GPM6B: variants seen among roughly 807,000 people sequenced by gnomAD.
GPM6B encodes glycoprotein M6B.
A neutral mutation model predicts 27.2 loss-of-function variants in GPM6B; 4 were observed. The observed-to-expected ratio is 0.15, with a 90% CI of 0.07 to 0.34. GPM6B has a LOEUF of 0.34. Among genes scored for constraint, GPM6B ranks in the 10% least tolerant of loss-of-function variants. GPM6B has a pLI of 1.00. For synonymous variants in GPM6B, 124 were observed against 103.1 expected (o/e 1.20, Z -1.23); for missense variants, 183 against 261.9 (o/e 0.70, Z 2.08).
chrX:13,893,429 C>T (rs775990070), intron 1 of GPM6B, among the ~76,000 whole-genome samples: 1 of 110,513 alleles, frequency 9.0e-6, no homozygotes, highest in South Asian at 3.8e-4. Flanking sequence ...AAAAAACATG[C>T]TTCCTGTCAA....
In GPM6B at chrX:13,773,022, G is replaced by A; in HGVS notation, c.846C>T (p.Phe282=). 8.3e-7 allele frequency: 1 copy of A among 1,209,857 alleles called. No individual in the cohort carries two copies. Among genetic ancestry groups the A allele is most frequent in the Non-Finnish European group, 1.1e-6 (1 of 893,919 alleles). Reference sequence around the variant, plus strand: ...CCCAGTTAGAAGACAGTATCATGAGGAAGTGGATCTGGAAGAGAAGGGTGA... The same window carrying A: ...CCCAGTTAGAAGACAGTATCATGAGAAAGTGGATCTGGAAGAGAAGGGTGA... ...AGATVIALIH[F]LMILSSNWAY... is the part of the protein sequence containing the mutation. Residue 282 remains phenylalanine, a synonymous_variant, in exon 8 of 8, where the codon TTC becomes TTT. Transcript: ENST00000316715.
At chrX:13,908,542 T>C (rs1397752914) in intron 1 of GPM6B, among the ~76,000 whole-genome samples, 1 of 112,277 alleles carries the variant, frequency 8.9e-6, no homozygotes, top group Non-Finnish European at 1.9e-5. Flanking sequence ...CAATGCCATG[T>C]GAGATCCTGA....
intron 1 of GPM6B, among the ~76,000 whole-genome samples, chrX:13,837,375 C>G (rs1446515450): frequency 1.8e-5 from 2 of 111,655 alleles, no homozygotes; most frequent in Non-Finnish European, 3.8e-5. Flanking sequence ...CACGGCCTTC[C>G]CCCGAGGGGG....
intron 1 of GPM6B, among the ~76,000 whole-genome samples, chrX:13,905,230 CAA>C (rs199791285): frequency 1.4e-4 from 9 of 64,718 alleles, no homozygotes; most frequent in East Asian, 4.3e-4. Context: ...GGCCCTGTCT[CAA>C]AAAAAAAAAA....
intron 2 of GPM6B, among the ~76,000 whole-genome samples, chrX:13,792,540 ACAGGACAGCCCC>A (rs201048994): frequency 0.018 from 1,971 of 111,398 alleles, 37 homozygotes; most frequent in African/African-American, 0.061. Context: ...CCTAGAATAC[ACAGGACAGCCCC>A]CATCCCCAAA....
chrX:13,898,730 T>C (rs2050254758), intron 1 of GPM6B, among the ~76,000 whole-genome samples: 1 of 112,168 alleles, frequency 8.9e-6, no homozygotes, highest in Non-Finnish European at 1.9e-5. Flanking sequence ...TCTTTATTTC[T>C]TTATATAGAG....
intron 1 of GPM6B, among the ~76,000 whole-genome samples, chrX:13,904,587 G>A (rs182659399): frequency 2.7e-5 from 3 of 111,336 alleles, no homozygotes; most frequent in African/African-American, 6.5e-5. Flanking sequence ...ATTCACTTCC[G>A]TATCATCTAG....
chrX:13,805,544 A>G (rs754783921), intron 2 of GPM6B, among the ~76,000 whole-genome samples: 3 of 112,476 alleles, frequency 2.7e-5, no homozygotes, highest in Non-Finnish European at 5.6e-5. Flanking sequence ...TCAGTTTCAG[A>G]AAAACAGAAA....
chrX:13,913,709 ACATGCTTT>A (rs1464950264), intron 1 of GPM6B, among the ~76,000 whole-genome samples: 2 of 111,499 alleles, frequency 1.8e-5, no homozygotes, highest in Non-Finnish European at 3.8e-5. Flanking sequence ...TTTATACTCA[ACATGCTTT>A]CATACTCTCA....
At chrX:13,797,943 T>C (rs763360390) in intron 2 of GPM6B, among the ~76,000 whole-genome samples, 15 of 110,807 alleles carry the variant, frequency 1.4e-4, no homozygotes, top group African/African-American at 4.6e-4. Flanking sequence ...TGCAAACTAA[T>C]CCACAGAGAA....
chrX:13,795,995 C>T (rs2048808127), intron 2 of GPM6B, among the ~76,000 whole-genome samples: 1 of 110,852 alleles, frequency 9.0e-6, no homozygotes, highest in African/African-American at 3.3e-5. Context: ...GGTGCCAGCT[C>T]GGCTCACTGC....
At chrX:13,890,893 A>G (rs1330448143) in intron 1 of GPM6B, among the ~76,000 whole-genome samples, 2 of 111,298 alleles carry the variant, frequency 1.8e-5, no homozygotes, top group Non-Finnish European at 3.8e-5. Context: ...CGATTCTTAC[A>G]CCTGTAAAGC....
chrX:13,897,581 A>G (rs1950678404), intron 1 of GPM6B, among the ~76,000 whole-genome samples: 1 of 112,269 alleles, frequency 8.9e-6, no homozygotes, highest in East Asian at 2.8e-4. Flanking sequence ...TCTACGCATC[A>G]ATCTATCTGT....
At position 13,807,650 on chromosome X, in the gene GPM6B, C is replaced by T. The variant is rs779244562; in HGVS notation, c.181G>A (p.Gly61Ser). 1.7e-6 allele frequency: 2 copies of T among 1,181,645 alleles called. No homozygotes were observed. The highest frequency in any genetic ancestry group is 1.1e-6 in the Non-Finnish European group (1 of 876,721). The stretch of plus-strand genomic sequence containing the variant: ...GAATTCACCCCAAGGCTGTATTTAC[C>T]TGGACTGCTCAAGGGGCTAGCCCTG... ...GDRASPLSSP[G>S]CFECCIKCLG... Residue 61 changes from glycine to serine, a missense_variant and splice_region_variant, in exon 2 of 8, where the codon GGC becomes AGC. By Grantham distance (56) the Gly-to-Ser change is moderately conservative. Transcript: ENST00000316715.
At chrX:13,872,561 A>G (rs1401348679) in intron 1 of GPM6B, among the ~76,000 whole-genome samples, 1 of 110,875 alleles carries the variant, frequency 9.0e-6, no homozygotes, top group Non-Finnish European at 1.9e-5. Flanking sequence ...CAACCAGGAC[A>G]TATGGTCACC....
intron 1 of GPM6B, among the ~76,000 whole-genome samples, chrX:13,811,824 CTT>C (rs1191200652): frequency 2.7e-5 from 3 of 111,599 alleles, no homozygotes; most frequent in Admixed American, 1.9e-4. Context: ...CTTATACACT[CTT>C]TGACGAGAAA....
At chrX:13,774,279 T>C in intron 7 of GPM6B, 1 of 879,201 alleles carries the variant, frequency 1.1e-6, no homozygotes, top group South Asian at 4.8e-5. Context: ...TGTTTAAGTA[T>C]GAGAACATTA....
intron 2 of GPM6B, among the ~76,000 whole-genome samples, chrX:13,796,408 C>T (rs1290359333): frequency 8.9e-6 from 1 of 112,173 alleles, no homozygotes; most frequent in African/African-American, 3.2e-5. Context: ...TTTATAGGCA[C>T]AACTCAGAAG....
chrX:13,934,796 G>T (rs1288864690), intron 1 of GPM6B, among the ~76,000 whole-genome samples: 2 of 111,823 alleles, frequency 1.8e-5, no homozygotes, highest in Non-Finnish European at 3.8e-5. Flanking sequence ...TTATTTTATA[G>T]TCAACTAAAA....
Sources: allele counts gnomAD v4.1 joint callset (sites outside exome capture counted in the v4.1 genomes callset), GRCh38; gene constraint gnomAD v4.1.1; transcripts MANE v1.5; gene names NCBI Gene and HGNC (gene_info 2026-07-23, HGNC 2026-07-21).